PAX5: variants seen among roughly 807,000 people sequenced by gnomAD.
PAX5 encodes the protein paired box protein Pax-5.
PAX5 carries 9 observed loss-of-function variants against 43.7 expected under a neutral mutation model. That is an observed-to-expected ratio of 0.21 (90% confidence interval 0.12 to 0.36). The LOEUF (loss-of-function observed/expected upper bound fraction) is 0.36. Among genes scored for constraint, PAX5 ranks in the 10% least tolerant of loss-of-function variants. The probability of loss-of-function intolerance (pLI) is 1.00; values close to 1 mark genes in which losing one functional copy is unlikely to be tolerated. For synonymous variants in PAX5, 228 were observed against 214.3 expected (o/e 1.06, Z -0.56); for missense variants, 383 against 532.7 (o/e 0.72, Z 2.77).
intron 9 of PAX5, 59 bp from the exon 10 acceptor site, chr9:36,840,695 C>T: frequency 9.3e-7 from 1 of 1,077,658 alleles, no homozygotes; most frequent in Non-Finnish European, 1.4e-6. Flanking sequence ...CCACCAGTCT[C>T]CTCCACTTCT....
At position 36,966,571 on chromosome 9, in the gene PAX5, G is replaced by A; in HGVS notation, c.758C>T (p.Thr253Ile). The A allele has an allele frequency of 6.2e-7, 1 of 1,614,188 alleles. No homozygotes were observed. The highest frequency in any genetic ancestry group is 1.1e-5 in the South Asian group (1 of 91,074). The stretch of plus-strand genomic sequence containing the variant: ...TACCTGCTCGGGCTTGATGGGCTCT[G>A]TGGTGGTGAAGATGTCTGAGTAGTG... ...RQHYSDIFTT[T>I]EPIKPEQTTE... Residue 253 changes from threonine to isoleucine, a missense_variant, in exon 6 of 10, where the codon ACA becomes ATA. Thr to Ile is a moderately conservative substitution (Grantham distance 89). Transcript: ENST00000358127.
intron 8 of PAX5, among the ~76,000 whole-genome samples, chr9:36,852,449 A>T (rs1483457127): frequency 1.3e-5 from 2 of 152,178 alleles, no homozygotes; most frequent in Non-Finnish European, 2.9e-5. Context: ...GGTAGACAGG[A>T]GGGGAGGGCT....
rs907899223 is a variant in PAX5 at position 37,002,581 on chromosome 9, G to T, written c.604+67C>A. On this transcript the variant is annotated intron_variant, in intron 5 of 9. Transcript: ENST00000358127. ...TTCGCGGGCACCTCTGCTGCCACCC[G>T]CGACCGAGCGCCGGAAACAGACCCC... is the stretch of plus-strand genomic sequence containing the variant. 6.3e-5 allele frequency: 98 copies of T among 1,547,682 alleles called. 1 individual carries two copies. In the South Asian group the frequency reaches 1.1e-3, roughly 18 times the overall value.
intron 1 of PAX5, among the ~76,000 whole-genome samples, chr9:37,025,850 CTT>C (rs1164388641): frequency 1.3e-5 from 2 of 152,170 alleles, no homozygotes; most frequent in Non-Finnish European, 2.9e-5. Context: ...TTCTTATCCT[CTT>C]TTTTTAAAGG....
intron 9 of PAX5, among the ~76,000 whole-genome samples, chr9:36,845,019 C>T (rs1227624023): frequency 2.6e-5 from 4 of 152,350 alleles, no homozygotes; most frequent in East Asian, 3.9e-4. Context: ...GGTGCAGCCC[C>T]GTGCCAGGGC....
chr9:37,006,430 G>T, intron 4 of PAX5, 43 bp downstream of exon 4: 6 of 1,352,436 alleles, frequency 4.4e-6, no homozygotes, highest in Non-Finnish European at 6.4e-6. Flanking sequence ...AGAATATTTG[G>T]AGCCCATTAG....
At chr9:36,912,757 C>A (rs1829405963) in intron 7 of PAX5, among the ~76,000 whole-genome samples, 1 of 152,218 alleles carries the variant, frequency 6.6e-6, no homozygotes, top group Non-Finnish European at 1.5e-5. Flanking sequence ...AAAGCTGGAT[C>A]CCAAACTCCT....
At chr9:36,975,386 C>CT (rs371922622) in intron 5 of PAX5, among the ~76,000 whole-genome samples, 1,760 of 146,680 alleles carry the variant, frequency 0.012, 16 homozygotes, top group African/African-American at 0.028. Flanking sequence ...TGAGCAATTT[C>CT]TTTTTTTTTT....
At chr9:36,925,191 T>G (rs1830552109) in intron 6 of PAX5, among the ~76,000 whole-genome samples, 1 of 152,110 alleles carries the variant, frequency 6.6e-6, no homozygotes, top group Admixed American at 6.5e-5. Context: ...CTGGGGGTGA[T>G]GGCAGCAGCG....
At chr9:36,902,018 G>A (rs1828439088) in intron 7 of PAX5, among the ~76,000 whole-genome samples, 1 of 152,152 alleles carries the variant, frequency 6.6e-6, no homozygotes, top group African/African-American at 2.4e-5. Context: ...TAAGGGTGAG[G>A]GAGGGCTCCC....
rs555730740 is a variant in PAX5, at chr9:36,877,584, C to T, written c.1012+4420G>A. 9.2e-5 allele frequency among the ~76,000 whole-genome samples: 14 copies of T among 152,282 alleles called. No individual in the cohort carries two copies. In the East Asian group the frequency reaches 2.5e-3, roughly 27 times the overall value. On this transcript the variant is annotated intron_variant, in intron 8 of 9. Coordinates refer to ENST00000358127, the MANE Select transcript of PAX5 (RefSeq NM_016734.3). ...CAGAGCCTTGCTTCACTTGTTTCTC[C>T]AAACATGCCAACAGGCCCTCGGGGT... is the stretch of plus-strand genomic sequence containing the variant.
chr9:36,940,934 C>A (rs747191128), intron 6 of PAX5, among the ~76,000 whole-genome samples: 2 of 152,078 alleles, frequency 1.3e-5, no homozygotes, highest in Non-Finnish European at 2.9e-5. Flanking sequence ...ATAATTAGAG[C>A]CCTGAAAACA....
chr9:36,906,320 CAG>C (rs1828820546), intron 7 of PAX5, among the ~76,000 whole-genome samples: 1 of 152,128 alleles, frequency 6.6e-6, no homozygotes, highest in Non-Finnish European at 1.5e-5. Context: ...ATTTTAGAAA[CAG>C]GGGCAAGGGG....
At chr9:36,980,392 T>C (rs150024883) in intron 5 of PAX5, among the ~76,000 whole-genome samples, 7 of 152,276 alleles carry the variant, frequency 4.6e-5, no homozygotes, top group African/African-American at 9.6e-5. Flanking sequence ...GGGGGAGCCA[T>C]TGCCGAAGCC....
intron 6 of PAX5, among the ~76,000 whole-genome samples, chr9:36,959,139 C>T (rs986107334): frequency 5.3e-5 from 8 of 152,234 alleles, no homozygotes; most frequent in Non-Finnish European, 4.4e-5. Flanking sequence ...CCTTCCGGTG[C>T]TTCAGTGTAA....
chr9:36,962,819 A>C (rs1834086935), intron 6 of PAX5, among the ~76,000 whole-genome samples: 1 of 152,166 alleles, frequency 6.6e-6, no homozygotes, highest in Non-Finnish European at 1.5e-5. Context: ...ACACACTGAG[A>C]CAGCTCAATC....
At chr9:37,021,640 A>T (rs1839862533) in intron 1 of PAX5, among the ~76,000 whole-genome samples, 1 of 152,226 alleles carries the variant, frequency 6.6e-6, no homozygotes, top group Admixed American at 6.5e-5. Context: ...CCTGGGATAG[A>T]TTTTAAGTAA....
intron 5 of PAX5, among the ~76,000 whole-genome samples, chr9:36,974,152 C>T (rs1835223321): frequency 6.6e-6 from 1 of 152,054 alleles, no homozygotes. Flanking sequence ...TGCACATTAG[C>T]CTGTGTGACA....
intron 6 of PAX5, among the ~76,000 whole-genome samples, chr9:36,929,296 TGA>T (rs141420738): frequency 1.6e-4 from 22 of 140,920 alleles, no homozygotes; most frequent in Non-Finnish European, 2.1e-4. Context: ...GAAGGATGGA[TGA>T]GAGAGAGAGA....
Sources: allele counts gnomAD v4.1 joint callset (sites outside exome capture counted in the v4.1 genomes callset), GRCh38; gene constraint gnomAD v4.1.1; transcripts MANE v1.5; gene names NCBI Gene and HGNC (gene_info 2026-07-23, HGNC 2026-07-21).